The following ROCK2 variants were observed in gnomAD, a reference collection of about 807,000 sequenced individuals.
ROCK2 encodes Rho associated coiled-coil containing protein kinase 2, also known as rho-associated protein kinase 2.
A neutral mutation model predicts 195.1 loss-of-function variants in ROCK2; 61 were observed. The ratio of observed to expected loss-of-function variants is 0.31; its 90% CI spans 0.25 to 0.39. ROCK2 has a LOEUF of 0.39. ROCK2 is among the 10% of genes least tolerant of loss of function. The pLI, the probability that ROCK2 is intolerant of heterozygous loss-of-function variation, is 1.00. For synonymous variants in ROCK2, 504 were observed against 545.5 expected (o/e 0.92, Z 1.06); for missense variants, 1,109 against 1,637.4 (o/e 0.68, Z 5.57).
At chr2:11,307,954 T>A in intron 1 of ROCK2, 1 of 1,455,156 alleles carries the variant, frequency 6.9e-7, no homozygotes, top group Non-Finnish European at 9.0e-7. Context: ...GGGCCAGGCC[T>A]GGGAAGGATG....
intron 5 of ROCK2, among the ~76,000 whole-genome samples, chr2:11,228,592 A>C (rs1664892439): frequency 6.6e-6 from 1 of 152,210 alleles, no homozygotes; most frequent in Non-Finnish European, 1.5e-5. Context: ...AAGGCAGGGT[A>C]TACAATTAAT....
chr2:11,308,728 T>C (rs1667941686), intron 1 of ROCK2: 1 of 1,611,622 alleles, frequency 6.2e-7, no homozygotes, highest in East Asian at 2.2e-5. Flanking sequence ...TAACCAAAGG[T>C]GCAGCTATCT....
chr2:11,341,551 A>G (rs1669105778), intron 1 of ROCK2, among the ~76,000 whole-genome samples: 1 of 152,174 alleles, frequency 6.6e-6, no homozygotes. Flanking sequence ...AAAGCATCAT[A>G]CAATCATTTC....
intron 1 of ROCK2, among the ~76,000 whole-genome samples, chr2:11,343,506 A>G (rs1343305573): frequency 2.0e-5 from 3 of 152,246 alleles, no homozygotes; most frequent in East Asian, 1.9e-4. Flanking sequence ...GCAAAACTTT[A>G]GCTGTGTGTT....
At chr2:11,216,096 T>C in intron 13 of ROCK2, 62 bp downstream of exon 13, 1 of 1,290,534 alleles carries the variant, frequency 7.7e-7, no homozygotes, top group Non-Finnish European at 1.1e-6. Flanking sequence ...GCTCCTTAGG[T>C]AAGTCAGACA....
chr2:11,226,322 TTTTGA>T (rs1449349060), intron 6 of ROCK2, among the ~76,000 whole-genome samples: 2 of 152,188 alleles, frequency 1.3e-5, no homozygotes, highest in Non-Finnish European at 2.9e-5. Context: ...GCCTTTCAAA[TTTTGA>T]TTTGGTCATA....
chr2:11,258,025 T>G (rs559096569), intron 3 of ROCK2, among the ~76,000 whole-genome samples: 1 of 151,554 alleles, frequency 6.6e-6, no homozygotes, highest in South Asian at 2.1e-4. Flanking sequence ...ACTTCAGTTA[T>G]ATTTTTAAAA....
intron 1 of ROCK2, among the ~76,000 whole-genome samples, chr2:11,317,268 T>C (rs1668223565): frequency 6.6e-6 from 1 of 151,770 alleles, no homozygotes; most frequent in Admixed American, 6.6e-5. Context: ...ATAGATTAAT[T>C]TACCAATCAG....
chr2:11,256,921 G>A lies in ROCK2; in HGVS notation c.325-7123C>T, dbSNP rs537723166. Among the ~76,000 whole-genome samples, 25 of 151,280 alleles carry A rather than the reference G, an allele frequency of 1.7e-4. 2 individuals carry two copies. Among genetic ancestry groups the A allele is most frequent in the African/African-American group, 5.9e-4 (24 of 40,662 alleles). On this transcript the variant is annotated intron_variant, in intron 3 of 32. Transcript: ENST00000315872. ...CCCATGGTCTTAGTTTAGGTTGTTC[G>A]GAGGTTGAATTACGCTCCAAGGTCA...
In ROCK2 at chr2:11,337,014, G is replaced by A. The variant is rs200595270; in HGVS notation, c.141+6982C>T. Among the ~76,000 whole-genome samples the A allele has an allele frequency of 2.4e-4, 37 of 152,270 alleles. No homozygotes were observed. In the East Asian group the frequency reaches 5.8e-3, roughly 24 times the overall value. ...TCCCAGCACTTTGGGAGGCCAAGGCGGGTGGATCACTTGAGGTCAGGAGTT... is the reference window on the plus strand; with the variant it reads ...TCCCAGCACTTTGGGAGGCCAAGGCAGGTGGATCACTTGAGGTCAGGAGTT... On this transcript the variant is annotated intron_variant, in intron 1 of 32. Transcript: ENST00000315872.
intron 1 of ROCK2, chr2:11,309,044 C>A: frequency 6.6e-7 from 1 of 1,510,738 alleles, no homozygotes; most frequent in Non-Finnish European, 8.9e-7. Context: ...GGAAGCAAGC[C>A]GTACCCAGAC....
intron 1 of ROCK2, among the ~76,000 whole-genome samples, chr2:11,315,973 A>C (rs1279910916): frequency 6.6e-6 from 1 of 152,140 alleles, no homozygotes; most frequent in African/African-American, 2.4e-5. Context: ...GGCTAGCACA[A>C]CTGAGGAACG....
intron 3 of ROCK2, among the ~76,000 whole-genome samples, chr2:11,283,435 C>T (rs1039781333): frequency 2.7e-5 from 4 of 149,722 alleles, no homozygotes; most frequent in African/African-American, 9.8e-5. Flanking sequence ...GTGGCGGGCG[C>T]CTGTAGTCCC....
chr2:11,196,966 G>A (rs1238815528), intron 27 of ROCK2, among the ~76,000 whole-genome samples: 5 of 152,008 alleles, frequency 3.3e-5, no homozygotes, highest in Admixed American at 3.3e-4. Flanking sequence ...CTAGACATGT[G>A]GAGTTTTTCT....
chr2:11,333,655 C>CA (rs1195507455), intron 1 of ROCK2, among the ~76,000 whole-genome samples: 3 of 152,054 alleles, frequency 2.0e-5, no homozygotes, highest in Non-Finnish European at 4.4e-5. Flanking sequence ...TGATTCCTGT[C>CA]AAAAAAATCT....
chr2:11,215,092 A>G lies in ROCK2; in HGVS notation c.1690-6T>C, dbSNP rs1664379496. 1 of 1,613,682 alleles carries G rather than the reference A, an allele frequency of 6.2e-7. No homozygotes were observed. The highest frequency in any genetic ancestry group is 1.3e-5 in the African/African-American group (1 of 74,918). ...AAAGCATTGGTTTCATCCAGCTGTT[A>G]TTCCATTCAAAACCAAACAACAACA... On this transcript the variant is annotated splice_region_variant and splice_polypyrimidine_tract_variant and intron_variant, in intron 15 of 32. Coordinates refer to ENST00000315872, the MANE Select transcript of ROCK2 (RefSeq NM_004850.5).
At chr2:11,212,174 C>T (rs1236330276) in intron 17 of ROCK2, among the ~76,000 whole-genome samples, 2 of 152,120 alleles carry the variant, frequency 1.3e-5, no homozygotes, top group African/African-American at 4.8e-5. Context: ...GACTCAGCCT[C>T]CCACAGTGCT....
intron 1 of ROCK2, among the ~76,000 whole-genome samples, chr2:11,331,017 A>G (rs532939518): frequency 1.5e-3 from 29 of 19,020 alleles, no homozygotes; most frequent in African/African-American, 6.3e-3. Flanking sequence ...GAGCAGAAAG[A>G]AGGAGGGAGG....
intron 16 of ROCK2, 31 bp from the exon 17 acceptor site, chr2:11,214,494 A>G (rs1400203713): frequency 7.9e-7 from 1 of 1,259,638 alleles, no homozygotes. Context: ...TTAAAACATT[A>G]AACCCACAAA....
Sources: gnomAD v4.1 joint callset for allele counts (sites outside exome capture counted in the v4.1 genomes callset) on GRCh38, gnomAD v4.1.1 for gene constraint, MANE v1.5 for transcripts, NCBI Gene and HGNC (gene_info 2026-07-23, HGNC 2026-07-21) for gene names.